The following CACNB2 variants were observed in gnomAD, a reference collection of about 807,000 sequenced individuals.
CACNB2 encodes calcium voltage-gated channel auxiliary subunit beta 2.
In CACNB2, 42 loss-of-function variants were observed where a neutral mutation model predicts 73.3. The ratio of observed to expected loss-of-function variants is 0.57; its 90% CI spans 0.45 to 0.74. The LOEUF is 0.74. Ranked by LOEUF, CACNB2 falls within the 30% of genes least tolerant of loss-of-function variation. The pLI is 0.00. For missense variants in CACNB2, 940 were observed against 853.0 expected (o/e 1.10, Z -1.27); for synonymous variants, 348 against 310.3 (o/e 1.12, Z -1.28).
chr10:18,499,342 G>A (rs995071238), intron 4 of CACNB2, among the ~76,000 whole-genome samples: 2 of 152,166 alleles, frequency 1.3e-5, no homozygotes, highest in Admixed American at 6.5e-5. Context: ...CTAGGGCTGG[G>A]CCCGGTGGCT....
At chr10:18,171,924 A>G (rs1183667972) in intron 2 of CACNB2, among the ~76,000 whole-genome samples, 1 of 152,146 alleles carries the variant, frequency 6.6e-6, no homozygotes, top group African/African-American at 2.4e-5. Context: ...GCAAAAGCTG[A>G]CATTTCATAA....
In CACNB2 at chr10:18,450,634, T is replaced by C. The variant is rs1589394801; in HGVS notation, c.334-47721T>C. The stretch of plus-strand genomic sequence containing the variant: ...TCCAGCTGCTTTTTTTTCTTTTTTT[T>C]TTTTTTTTTGAGGAGTCTAACTCTG... On this transcript the variant is annotated intron_variant, in intron 3 of 13. Coordinates refer to ENST00000324631, the MANE Select transcript of CACNB2 (RefSeq NM_201596.3). Among the ~76,000 whole-genome samples the C allele has an allele frequency of 2.0e-5, 3 of 150,208 alleles. No homozygotes were observed. In the South Asian group the frequency reaches 6.4e-4, roughly 32 times the overall value.
chr10:18,511,040 G>T (rs1203544883), intron 6 of CACNB2, among the ~76,000 whole-genome samples: 1 of 152,176 alleles, frequency 6.6e-6, no homozygotes, highest in African/African-American at 2.4e-5. Flanking sequence ...TCCTATATGA[G>T]CAAAGGATTA....
At chr10:18,372,265 T>G (rs2042619404) in intron 2 of CACNB2, among the ~76,000 whole-genome samples, 1 of 152,214 alleles carries the variant, frequency 6.6e-6, no homozygotes, top group Non-Finnish European at 1.5e-5. Context: ...GTTTTAGACA[T>G]GAAGTCCTTG....
chr10:18,539,508 C>A lies in CACNB2; in HGVS notation c.1767C>A (p.Asn589Lys). 5 of 1,614,020 alleles carry A rather than the reference C, an allele frequency of 3.1e-6. No individual in the cohort carries two copies. The highest frequency in any genetic ancestry group is 4.2e-6 in the Non-Finnish European group (5 of 1,179,984). ...VDHYASHRDHNHRDETHGSSD... is the reference protein window; with the variant it reads ...VDHYASHRDHKHRDETHGSSD... ...ACTATGCCTCACACCGTGACCACAA[C>A]CACAGAGACGAGACCCACGGGAGCA... The change falls in exon 14 of 14, where the codon AAC becomes AAA. Residue 589 changes from asparagine to lysine, a missense_variant. Coordinates refer to ENST00000324631, the MANE Select transcript of CACNB2 (RefSeq NM_201596.3).
At chr10:18,478,925 C>T (rs952656576) in intron 3 of CACNB2, among the ~76,000 whole-genome samples, 10 of 152,038 alleles carry the variant, frequency 6.6e-5, no homozygotes, top group Admixed American at 5.9e-4. Flanking sequence ...GAGGCGGCTT[C>T]TTCATTTCAG....
intron 2 of CACNB2, among the ~76,000 whole-genome samples, chr10:18,292,903 C>T (rs1442973981): frequency 1.3e-5 from 2 of 152,132 alleles, no homozygotes; most frequent in African/African-American, 2.4e-5. Flanking sequence ...CATGCAACCT[C>T]GACCATACTC....
chr10:18,316,130 G>A (rs2040174153), intron 2 of CACNB2, among the ~76,000 whole-genome samples: 1 of 152,020 alleles, frequency 6.6e-6, no homozygotes, highest in Admixed American at 6.6e-5. Context: ...CATTATATAT[G>A]TGTGTGTGTA....
intron 2 of CACNB2, among the ~76,000 whole-genome samples, chr10:18,218,975 G>T (rs969020997): frequency 2.0e-5 from 3 of 152,170 alleles, no homozygotes; most frequent in African/African-American, 7.2e-5. Flanking sequence ...ACCGGCCTGG[G>T]CAACATGGAG....
chr10:18,309,297 G>A (rs2039868612), intron 2 of CACNB2, among the ~76,000 whole-genome samples: 1 of 152,154 alleles, frequency 6.6e-6, no homozygotes, highest in South Asian at 2.1e-4. Flanking sequence ...GTCTCCAACA[G>A]TTACATAAGC....
At chr10:18,163,165 G>A (rs1203562045) in intron 2 of CACNB2, among the ~76,000 whole-genome samples, 2 of 152,160 alleles carry the variant, frequency 1.3e-5, no homozygotes, top group Non-Finnish European at 2.9e-5. Flanking sequence ...AATAGTGGAC[G>A]CATGCTGACC....
chr10:18,350,649 C>T (rs1252237145), intron 2 of CACNB2, among the ~76,000 whole-genome samples: 1 of 152,192 alleles, frequency 6.6e-6, no homozygotes, highest in Non-Finnish European at 1.5e-5. Context: ...ATCAGCCCTC[C>T]AGGAGTCCAC....
intron 3 of CACNB2, among the ~76,000 whole-genome samples, chr10:18,478,943 A>G (rs746248486): frequency 3.3e-5 from 5 of 151,996 alleles, no homozygotes; most frequent in Non-Finnish European, 5.9e-5. Context: ...CAGCAGGCCA[A>G]CTACTCAGGA....
At chr10:18,382,217 C>T (rs889570168) in intron 2 of CACNB2, among the ~76,000 whole-genome samples, 2 of 151,880 alleles carry the variant, frequency 1.3e-5, no homozygotes, top group African/African-American at 4.9e-5. Context: ...TGTCCTCCAG[C>T]ATTGTCTAGA....
chr10:18,404,864 A>G (rs2044198784), intron 3 of CACNB2, among the ~76,000 whole-genome samples: 1 of 152,240 alleles, frequency 6.6e-6, no homozygotes, highest in South Asian at 2.1e-4. Context: ...CACTTTGTTA[A>G]GGCTTTTCTT....
chr10:18,215,126 CCA>C (rs1246336107), intron 2 of CACNB2, among the ~76,000 whole-genome samples: 1 of 151,900 alleles, frequency 6.6e-6, no homozygotes, highest in Non-Finnish European at 1.5e-5. Context: ...ACGGAGATTC[CCA>C]GTATGGTATT....
chr10:18,147,535 A>C (rs1038957750), intron 1 of CACNB2, among the ~76,000 whole-genome samples: 3 of 152,176 alleles, frequency 2.0e-5, no homozygotes, highest in Non-Finnish European at 4.4e-5. Context: ...AACACCTTGT[A>C]CTACAGCCAA....
chr10:18,299,080 AT>A lies in CACNB2; in HGVS notation c.214-102843del, dbSNP rs1335343028. 5.3e-4 allele frequency among the ~76,000 whole-genome samples: 52 copies of A among 98,614 alleles called. No individual in the cohort carries two copies. The East Asian group carries it at 6.4e-3, about 12-fold the overall frequency. 64.7% of individuals were successfully genotyped at this position (98,614 alleles called of 152,430 possible). On this transcript the variant is annotated intron_variant, in intron 2 of 13. Coordinates refer to ENST00000324631, the MANE Select transcript of CACNB2 (RefSeq NM_201596.3). ...CTTAAAGTATACTAAAAAAAAAAAAATAAAAAATAAAAGAAAAAATAAAAAG... is the reference window on the plus strand; with the variant it reads ...CTTAAAGTATACTAAAAAAAAAAAAAAAAAAATAAAAGAAAAAATAAAAAG...
chr10:18,401,893 T>G, intron 2 of CACNB2, 31 bp from the exon 3 acceptor site: 1 of 1,612,332 alleles, frequency 6.2e-7, no homozygotes, highest in Non-Finnish European at 8.5e-7. Flanking sequence ...ATAGACTGAA[T>G]CTACTTTAAA....
Sources: gnomAD v4.1 joint callset for allele counts (sites outside exome capture counted in the v4.1 genomes callset) on GRCh38, gnomAD v4.1.1 for gene constraint, MANE v1.5 for transcripts, NCBI Gene and HGNC (gene_info 2026-07-23, HGNC 2026-07-21) for gene names.